Variants in ADAMTS14 observed in about 807,000 individuals in gnomAD.
ADAMTS14 encodes ADAM metallopeptidase with thrombospondin type 1 motif 14, also known as A disintegrin and metalloproteinase with thrombospondin motifs 14.
A neutral mutation model predicts 128.6 loss-of-function variants in ADAMTS14; 100 were observed. The ratio of observed to expected loss-of-function variants is 0.78; its 90% confidence interval spans 0.66 to 0.92. ADAMTS14 has a LOEUF of 0.92. Ranked by LOEUF, ADAMTS14 falls within the 40% of genes least tolerant of loss-of-function variation. ADAMTS14 has a pLI of 0.00. For missense variants in ADAMTS14, 1,562 were observed against 1,658.6 expected, an observed-to-expected ratio of 0.94 and a Z score of 1.01; for synonymous variants, 665 against 653.8, an observed-to-expected ratio of 1.02 and a Z score of -0.26.
rs61852860 is a variant in ADAMTS14, at chr10:70,688,904, A to G, written c.523-13408A>G. On this transcript the variant is annotated intron_variant, in intron 2 of 21. Transcript: ENST00000373207. ...GGGAGGGGGAGGGGGAGGGAGAGGGAGAGCCTTTGCTTTTAAGCCAGCCAC... is the reference window on the plus strand; with the variant it reads ...GGGAGGGGGAGGGGGAGGGAGAGGGGGAGCCTTTGCTTTTAAGCCAGCCAC... Among the ~76,000 whole-genome samples, 62 of 61,436 alleles carry G rather than the reference A, an allele frequency of 1.0e-3. 6 individuals carry two copies. Among genetic ancestry groups the G allele is most frequent in the East Asian group, 7.4e-3 (2 of 270 alleles). The allele number at this position is 61,436 out of a possible 152,430, so 40.3% of individuals were successfully genotyped here. A position where few individuals can be genotyped will look rare whatever the true frequency, so the allele number is the denominator to read the frequency against.
intron 4 of ADAMTS14, among the ~76,000 whole-genome samples, chr10:70,710,832 C>T (rs72814564): frequency 0.045 from 6,892 of 152,252 alleles, 167 homozygotes; most frequent in East Asian, 0.083. Flanking sequence ...ATGTGACCTT[C>T]GTGAAGTGAC....
intron 8 of ADAMTS14, 99 bp downstream of exon 8, chr10:70,734,127 G>A: frequency 6.8e-7 from 1 of 1,478,468 alleles, no homozygotes; most frequent in Non-Finnish European, 9.1e-7. Context: ...CGTTGCCCCT[G>A]GCTTGACTCT....
In ADAMTS14 at chr10:70,747,501, G is replaced by A. The variant is rs947385977; in HGVS notation, c.2263+2195G>A. ...CCGGGGGAGGGAAGGGGCAAGGAGA[G>A]AAGGGACATCTATTCCAAGAAGAGG... On this transcript the variant is annotated intron_variant, in intron 15 of 21. Coordinates refer to ENST00000373207, the MANE Select transcript of ADAMTS14 (RefSeq NM_080722.4). Among the ~76,000 whole-genome samples the A allele has an allele frequency of 2.0e-5, 3 of 152,334 alleles. 1 individual carries two copies. In the Middle Eastern group the frequency reaches 0.01, roughly 518 times the overall value.
rs1192942322 is a variant in ADAMTS14 at position 70,733,961 on chromosome 10, G to A, written c.1285G>A (p.Val429Met). Residue 429 changes from valine (V) to methionine (M), a missense_variant, in exon 8 of 22, where the codon GTG (valine) becomes ATG (methionine). Val to Met is a conservative substitution (Grantham distance 21). Transcript: ENST00000373207. ...TSLGSVMAPL[V>M]QAAFHRFHWS... is the part of the protein sequence containing the mutation. ...CCTGGGCAGCGTCATGGCGCCCCTG[G>A]TGCAGGCTGCCTTCCACCGCTTCCA... 4 of 1,613,872 alleles carry A rather than the reference G, an allele frequency of 2.5e-6. No homozygotes were observed. The highest frequency in any genetic ancestry group is 3.3e-5 in the Admixed American group (2 of 60,018).
At position 70,757,953 on chromosome 10, in the gene ADAMTS14, C is replaced by T. The variant is rs778435613; in HGVS notation, c.2938-9C>T. The T allele has an allele frequency of 5.6e-5, 90 of 1,602,964 alleles. No homozygotes were observed. The highest frequency in any genetic ancestry group is 7.5e-5 in the Non-Finnish European group (88 of 1,175,208). On this transcript the variant is annotated splice_polypyrimidine_tract_variant and intron_variant, in intron 19 of 21. Coordinates refer to ENST00000373207, the MANE Select transcript of ADAMTS14 (RefSeq NM_080722.4). The stretch of plus-strand genomic sequence containing the variant: ...GCCGCTATGCCTGGCACTGACCCAC[C>T]CACGGCAGTGCTCTGCCACCTGTGG...
At chr10:70,704,218 CT>C (rs2132600079) in intron 3 of ADAMTS14, among the ~76,000 whole-genome samples, 2 of 152,268 alleles carry the variant, frequency 1.3e-5, no homozygotes, top group South Asian at 4.1e-4. Flanking sequence ...TTCCAGCCCC[CT>C]GCTCCACTGT....
intron 2 of ADAMTS14, among the ~76,000 whole-genome samples, chr10:70,691,485 G>A (rs1274571474): frequency 4.7e-5 from 3 of 63,914 alleles, no homozygotes; most frequent in Admixed American, 2.0e-4. Context: ...GTGAGACCCT[G>A]TTAAAAAAAA....
chr10:70,729,465 G>T (rs1841558860), intron 5 of ADAMTS14, 88 bp downstream of exon 5: 3 of 1,108,968 alleles, frequency 2.7e-6, no homozygotes, highest in African/African-American at 1.5e-5. Flanking sequence ...GGCTGCAGGG[G>T]TAAGCATCCA....
intron 14 of ADAMTS14, among the ~76,000 whole-genome samples, chr10:70,744,583 T>A (rs2587477): frequency 1.0e-3 from 153 of 152,346 alleles, no homozygotes; most frequent in African/African-American, 3.5e-3. Context: ...TTTAAACCTG[T>A]GGCACTTTCT....
chr10:70,673,395 C>G (rs992798739), intron 1 of ADAMTS14, among the ~76,000 whole-genome samples: 7 of 152,152 alleles, frequency 4.6e-5, no homozygotes, highest in Non-Finnish European at 1.0e-4. Flanking sequence ...TCCACTGCCC[C>G]CAACGTAGCA....
chr10:70,750,024 C>T (rs1842306197), intron 16 of ADAMTS14, 39 bp downstream of exon 16: 4 of 1,603,634 alleles, frequency 2.5e-6, no homozygotes, highest in Non-Finnish European at 3.4e-6. Flanking sequence ...CCTGCCCACC[C>T]CACTTGTCCC....
intron 2 of ADAMTS14, among the ~76,000 whole-genome samples, chr10:70,677,285 G>A (rs1260807973): frequency 1.3e-5 from 2 of 152,158 alleles, no homozygotes; most frequent in African/African-American, 2.4e-5. Context: ...TGGGCCTGGG[G>A]CTGGGGATTC....
intron 2 of ADAMTS14, among the ~76,000 whole-genome samples, chr10:70,681,699 C>T (rs563518768): frequency 8.5e-5 from 13 of 152,318 alleles, no homozygotes; most frequent in East Asian, 5.8e-4. Context: ...AGCTGCGGGT[C>T]GGCTCCACAT....
chr10:70,749,068 C>T (rs2132730664), intron 15 of ADAMTS14, among the ~76,000 whole-genome samples: 1 of 152,156 alleles, frequency 6.6e-6, no homozygotes, highest in East Asian at 1.9e-4. Context: ...TGTTCCAGGC[C>T]CTGTGCTGGG....
intron 11 of ADAMTS14, among the ~76,000 whole-genome samples, chr10:70,739,840 G>C (rs188352528): frequency 1.3e-5 from 2 of 152,336 alleles, no homozygotes; most frequent in Admixed American, 6.5e-5. Flanking sequence ...TGAAGCAGCT[G>C]TTCCTTTGTT....
chr10:70,698,533 C>T (rs1840400147), intron 2 of ADAMTS14, among the ~76,000 whole-genome samples: 1 of 152,180 alleles, frequency 6.6e-6, no homozygotes, highest in Non-Finnish European at 1.5e-5. Flanking sequence ...GCCAAGCCTG[C>T]CTTCCTGTCT....
rs73278040 is a variant in ADAMTS14, at chr10:70,752,781, G to A, written c.2729+554G>A. ...AGGCGTAGGGTGCTGCCTGGGTCTC[G>A]TCAGCTTCTGCTCCCCTGGGCTGGG... On this transcript the variant is annotated intron_variant, in intron 18 of 21. Coordinates refer to ENST00000373207, the MANE Select transcript of ADAMTS14 (RefSeq NM_080722.4). 6.9e-3 allele frequency among the ~76,000 whole-genome samples: 1,055 copies of A among 152,268 alleles called. 13 individuals carry two copies. The highest frequency in any genetic ancestry group is 0.024 in the African/African-American group (1,011 of 41,560).
intron 2 of ADAMTS14, among the ~76,000 whole-genome samples, chr10:70,694,431 T>C (rs1328512466): frequency 6.6e-6 from 1 of 152,224 alleles, no homozygotes; most frequent in African/African-American, 2.4e-5. Flanking sequence ...GTTTTAAAAA[T>C]TATATTCACA....
intron 4 of ADAMTS14, among the ~76,000 whole-genome samples, chr10:70,716,923 A>G (rs1475084628): frequency 6.6e-6 from 1 of 152,140 alleles, no homozygotes; most frequent in African/African-American, 2.4e-5. Flanking sequence ...GGGAGGTGCT[A>G]TGGATATTCC....
Sources: gnomAD v4.1 joint callset for allele counts (sites outside exome capture counted in the v4.1 genomes callset) on GRCh38, gnomAD v4.1.1 for gene constraint, MANE v1.5 for transcripts, NCBI Gene and HGNC (gene_info 2026-07-23, HGNC 2026-07-21) for gene names.